SRPK2: variants seen among roughly 807,000 people sequenced by gnomAD.
SRPK2 encodes the protein SRSF protein kinase 2.
Under a neutral mutation model 90.8 loss-of-function variants are expected in SRPK2, and 21 were observed. The observed-to-expected ratio is 0.23, with a 90% CI of 0.16 to 0.33. The LOEUF is 0.33. Among genes scored for constraint, SRPK2 ranks in the 10% least tolerant of loss-of-function variants. The probability of loss-of-function intolerance (pLI) is 1.00; values close to 1 mark genes in which losing one functional copy is unlikely to be tolerated. For synonymous variants in SRPK2, 288 were observed against 311.1 expected, an observed-to-expected ratio of 0.93 and a Z score of 0.78; for missense variants, 620 against 869.0, an observed-to-expected ratio of 0.71 and a Z score of 3.60.
chr7:105,267,086 C>T (rs1340971962), intron 2 of SRPK2, among the ~76,000 whole-genome samples: 1 of 152,142 alleles, frequency 6.6e-6, no homozygotes, highest in East Asian at 1.9e-4. Flanking sequence ...GCAATAGTGG[C>T]TGATTTCTAA....
Position 105,322,186 on chromosome 7 carries a change from G to A in SRPK2, c.71+66462C>T, listed in dbSNP as rs182708202. On this transcript the variant is annotated intron_variant, in intron 2 of 15. Transcript: ENST00000393651. ...TCCCAGGACTCTGGGAGGCCGAGGCGGACAGATCACTTGAGGTCAGGAGTT... is the reference window on the plus strand; with the variant it reads ...TCCCAGGACTCTGGGAGGCCGAGGCAGACAGATCACTTGAGGTCAGGAGTT... 1.6e-4 allele frequency among the ~76,000 whole-genome samples: 24 copies of A among 152,246 alleles called. No homozygotes were observed. In the East Asian group the frequency reaches 2.7e-3, roughly 17 times the overall value.
intron 2 of SRPK2, among the ~76,000 whole-genome samples, chr7:105,276,933 T>C (rs1345910956): frequency 2.0e-5 from 3 of 152,144 alleles, no homozygotes; most frequent in African/African-American, 7.2e-5. Flanking sequence ...TCCACTATTC[T>C]AGGGTTTCAA....
rs775075539 is a variant in SRPK2 at position 105,117,804 on chromosome 7, T to G, written c.*34A>C. 1.2e-6 allele frequency: 2 copies of G among 1,609,054 alleles called. No individual in the cohort carries two copies. Among genetic ancestry groups the G allele is most frequent in the East Asian group, 4.5e-5 (2 of 44,812 alleles). ...TTTAGGTCCAATGTACTGGGAACAT[T>G]TGCTAGCTCAGAATGCAATATTGGT... On this transcript the variant is annotated 3_prime_UTR_variant, in exon 16 of 16. Transcript: ENST00000393651.
intron 2 of SRPK2, among the ~76,000 whole-genome samples, chr7:105,297,924 T>C (rs908285790): frequency 2.6e-5 from 4 of 152,150 alleles, no homozygotes; most frequent in African/African-American, 4.8e-5. Flanking sequence ...GTGTTTTTAG[T>C]AGAGACGGGT....
chr7:105,393,683 A>T (rs939532416), upstream of SRPK2, among the ~76,000 whole-genome samples: 1 of 151,756 alleles, frequency 6.6e-6, no homozygotes, highest in Non-Finnish European at 1.5e-5. Flanking sequence ...TAACACATAC[A>T]TGCAATTCAG....
intron 2 of SRPK2, among the ~76,000 whole-genome samples, chr7:105,243,533 G>C (rs886955394): frequency 1.3e-5 from 2 of 151,260 alleles, no homozygotes; most frequent in African/African-American, 4.9e-5. Context: ...TTAGCCGGGC[G>C]TGGTAGTGCA....
intron 2 of SRPK2, among the ~76,000 whole-genome samples, chr7:105,287,809 TAGGC>T (rs1024470787): frequency 1.3e-5 from 2 of 152,158 alleles, no homozygotes; most frequent in Non-Finnish European, 2.9e-5. Flanking sequence ...AGAGGAAACA[TAGGC>T]AGGAAGATCT....
chr7:105,274,941 T>G (rs561075549), intron 2 of SRPK2, among the ~76,000 whole-genome samples: 26 of 151,982 alleles, frequency 1.7e-4, no homozygotes, highest in African/African-American at 6.0e-4. Context: ...TCGCCCAAGC[T>G]GGATGGCGCA....
chr7:105,268,723 T>C (rs961292620), intron 2 of SRPK2: 6 of 1,496,346 alleles, frequency 4.0e-6, no homozygotes, highest in Non-Finnish European at 4.6e-6. Context: ...TATAGCAAAC[T>C]TGACAAGAAA....
chr7:105,357,617 G>A (rs888729039), intron 2 of SRPK2, among the ~76,000 whole-genome samples: 6 of 151,914 alleles, frequency 3.9e-5, no homozygotes, highest in African/African-American at 1.2e-4. Flanking sequence ...GGTGGTGTGC[G>A]CTTGTTACCC....
intron 2 of SRPK2, among the ~76,000 whole-genome samples, chr7:105,336,834 G>A (rs1308838500): frequency 2.0e-5 from 3 of 152,184 alleles, no homozygotes; most frequent in East Asian, 1.9e-4. Flanking sequence ...ACAGGGTCTC[G>A]CTCTGTTGCC....
At chr7:105,383,719 G>C (rs1309980451) in intron 2 of SRPK2, among the ~76,000 whole-genome samples, 1 of 152,106 alleles carries the variant, frequency 6.6e-6, no homozygotes, top group Non-Finnish European at 1.5e-5. Flanking sequence ...CGCCTGGCCA[G>C]AAATAGAAAA....
At chr7:105,134,878 T>C (rs1802565661) in intron 11 of SRPK2, among the ~76,000 whole-genome samples, 1 of 152,212 alleles carries the variant, frequency 6.6e-6, no homozygotes, top group East Asian at 1.9e-4. Flanking sequence ...CTACCTTCCA[T>C]ATGCCTGTTT....
chr7:105,126,572 A>G (rs908491832), intron 14 of SRPK2, among the ~76,000 whole-genome samples: 1 of 152,204 alleles, frequency 6.6e-6, no homozygotes, highest in Non-Finnish European at 1.5e-5. Context: ...TCGCAAGCAA[A>G]TAAGCATGGA....
intron 8 of SRPK2, 51 bp downstream of exon 8, chr7:105,146,442 G>C: frequency 1.9e-6 from 3 of 1,577,946 alleles, no homozygotes; most frequent in Non-Finnish European, 2.6e-6. Flanking sequence ...CTGCAACTTT[G>C]CAAGCTCCCA....
intron 2 of SRPK2, among the ~76,000 whole-genome samples, chr7:105,384,242 G>A (rs945600431): frequency 8.5e-5 from 13 of 152,170 alleles, no homozygotes; most frequent in African/African-American, 2.9e-4. Flanking sequence ...CCTAAGATTT[G>A]TGACTAAACA....
chr7:105,210,347 A>G (rs146901179), intron 2 of SRPK2, among the ~76,000 whole-genome samples: 3 of 152,188 alleles, frequency 2.0e-5, no homozygotes, highest in East Asian at 3.9e-4. Context: ...CCCTATGTCC[A>G]CCCTATATCT....
intron 2 of SRPK2, among the ~76,000 whole-genome samples, chr7:105,250,525 C>G (rs1227017455): frequency 1.3e-5 from 2 of 152,140 alleles, no homozygotes; most frequent in East Asian, 3.8e-4. Context: ...CAGGTTTTCC[C>G]TTACATGCAT....
intron 2 of SRPK2, among the ~76,000 whole-genome samples, chr7:105,212,504 C>T (rs977362862): frequency 1.3e-5 from 2 of 152,026 alleles, no homozygotes; most frequent in African/African-American, 4.8e-5. Flanking sequence ...GCACAGAGGC[C>T]CAAACTAATC....
Sources: gnomAD v4.1 joint callset for allele counts (sites outside exome capture counted in the v4.1 genomes callset) on GRCh38, gnomAD v4.1.1 for gene constraint, MANE v1.5 for transcripts, NCBI Gene and HGNC (gene_info 2026-07-23, HGNC 2026-07-21) for gene names.